MID1: variants seen among roughly 807,000 people sequenced by gnomAD.
The protein encoded by MID1 is E3 ubiquitin-protein ligase Midline-1.
A neutral mutation model predicts 40.4 loss-of-function variants in MID1; 7 were observed. That is an observed-to-expected ratio of 0.17 (90% CI 0.10 to 0.33). The LOEUF (loss-of-function observed/expected upper bound fraction) is 0.33. Among genes scored for constraint, MID1 ranks in the 10% least tolerant of loss-of-function variants. MID1 has a pLI of 1.00. For synonymous variants in MID1, 229 were observed against 221.2 expected (o/e 1.04, Z -0.31); for missense variants, 367 against 558.5 (o/e 0.66, Z 3.46).
chrX:10,770,340 C>T (rs1374194986), intron 1 of MID1, among the ~76,000 whole-genome samples: 3 of 112,117 alleles, frequency 2.7e-5, no homozygotes, highest in Non-Finnish European at 5.6e-5. Context: ...CACACAATGG[C>T]TTCACTCACT....
At chrX:10,603,826 G>A (rs988146341) in intron 1 of MID1, among the ~76,000 whole-genome samples, 4 of 111,398 alleles carry the variant, frequency 3.6e-5, no homozygotes, top group Non-Finnish European at 7.5e-5. Flanking sequence ...CATTCCTGGG[G>A]GCCATTAGAA....
intron 1 of MID1, among the ~76,000 whole-genome samples, chrX:10,613,617 C>T (rs1241878475): frequency 1.0e-5 from 1 of 100,228 alleles, no homozygotes; most frequent in East Asian, 3.1e-4. Flanking sequence ...ATCATTTCTG[C>T]AGAACAATCA....
intron 2 of MID1, among the ~76,000 whole-genome samples, chrX:10,524,012 TGA>T (rs1932782239): frequency 8.9e-6 from 1 of 111,906 alleles, no homozygotes; most frequent in South Asian, 3.7e-4. Flanking sequence ...TTAGTATCTA[TGA>T]GAGACCCTGA....
chrX:10,776,834 G>A (rs2043805849), intron 1 of MID1, among the ~76,000 whole-genome samples: 1 of 112,200 alleles, frequency 8.9e-6, no homozygotes, highest in African/African-American at 3.2e-5. Flanking sequence ...ACAGTTAAAT[G>A]AGTTAAGTTT....
chrX:10,559,361 G>C (rs1287394496), intron 2 of MID1, among the ~76,000 whole-genome samples: 1 of 112,252 alleles, frequency 8.9e-6, no homozygotes, highest in African/African-American at 3.2e-5. Flanking sequence ...ATTGGAGTCA[G>C]TTGGAACTGG....
chrX:10,464,416 G>A (rs891538445), intron 7 of MID1, among the ~76,000 whole-genome samples: 1 of 112,114 alleles, frequency 8.9e-6, no homozygotes, highest in African/African-American at 3.2e-5. Context: ...TGGGGATGAG[G>A]TGAAGCTCTG....
At chrX:10,632,573 A>G (rs1936063935) in intron 1 of MID1, among the ~76,000 whole-genome samples, 5 of 110,908 alleles carry the variant, frequency 4.5e-5, no homozygotes, top group Admixed American at 2.9e-4. Context: ...AGAATCCCCT[A>G]GAGGGCTTGT....
At chrX:10,635,579 T>A (rs1040698065) in intron 1 of MID1, among the ~76,000 whole-genome samples, 1 of 111,860 alleles carries the variant, frequency 8.9e-6, no homozygotes, top group Non-Finnish European at 1.9e-5. Flanking sequence ...TGCATACATT[T>A]AAATTATACC....
chrX:10,773,399 C>T (rs866017482), intron 1 of MID1, among the ~76,000 whole-genome samples: 1 of 112,216 alleles, frequency 8.9e-6, no homozygotes, highest in Non-Finnish European at 1.9e-5. Context: ...TTAACCATTG[C>T]GTTCTGACCA....
Position 10,449,106 on chromosome X carries a change from T to C in MID1, c.*262A>G. The C allele has an allele frequency of 3.2e-6, 1 of 314,350 alleles. No individual in the cohort carries two copies. Among genetic ancestry groups the C allele is most frequent in the East Asian group, 4.7e-5 (1 of 21,273 alleles). The allele number at this position is 314,350 out of a possible 1,213,427, so 25.9% of individuals were successfully genotyped here. A position where few individuals can be genotyped will look rare whatever the true frequency, so the allele number is the denominator to read the frequency against. ...AAAACCAAGTAATTCCTAAAAGTTG[T>C]AATCCTGATTATGTTTCTCTTATAA... On this transcript the variant is annotated 3_prime_UTR_variant, in exon 10 of 10. Coordinates refer to ENST00000317552, the MANE Select transcript of MID1 (RefSeq NM_000381.4).
intron 3 of MID1, chrX:10,506,059 A>G (rs1931815150): frequency 1.3e-6 from 1 of 779,449 alleles, no homozygotes. Flanking sequence ...TTCTGCCTTC[A>G]TGACGCACCC....
At chrX:10,704,759 CACACACAG>C (rs2043217130) in intron 1 of MID1, among the ~76,000 whole-genome samples, 1 of 100,393 alleles carries the variant, frequency 1.0e-5, no homozygotes, top group Non-Finnish European at 2.0e-5. Context: ...CACACACACA[CACACACAG>C]AGAGAGAGAG....
chrX:10,705,692 C>T (rs2043226532), intron 1 of MID1, among the ~76,000 whole-genome samples: 2 of 111,778 alleles, frequency 1.8e-5, no homozygotes, highest in Admixed American at 1.9e-4. Context: ...CTATCCCCAA[C>T]TTACAAATGA....
At chrX:10,797,912 C>G (rs1473734742) in intron 1 of MID1, among the ~76,000 whole-genome samples, 3 of 111,889 alleles carry the variant, frequency 2.7e-5, no homozygotes, top group African/African-American at 6.5e-5. Context: ...ATCAGCTGTT[C>G]TTTATTATCT....
intron 1 of MID1, among the ~76,000 whole-genome samples, chrX:10,614,090 G>T (rs1476249177): frequency 9.0e-6 from 1 of 110,525 alleles, no homozygotes; most frequent in African/African-American, 3.3e-5. Context: ...TGTGACTCTT[G>T]CTCTGGAGTA....
chrX:10,764,409 T>C (rs991438091), intron 1 of MID1, among the ~76,000 whole-genome samples: 11 of 111,782 alleles, frequency 9.8e-5, no homozygotes, highest in Non-Finnish European at 1.7e-4. Flanking sequence ...CTGTTTTCTA[T>C]AATTCACCGA....
intron 1 of MID1, among the ~76,000 whole-genome samples, chrX:10,579,306 C>T (rs1412001614): frequency 1.8e-5 from 2 of 111,624 alleles, no homozygotes; most frequent in Non-Finnish European, 3.8e-5. Context: ...AAAAGCTTGC[C>T]GCTTGGGGAA....
chrX:10,799,695 G>C (rs149685462), intron 1 of MID1, among the ~76,000 whole-genome samples: 1,730 of 105,815 alleles, frequency 0.016, 42 homozygotes, highest in African/African-American at 0.065. Flanking sequence ...AGCCTTAAGG[G>C]AGGTGAAGGG....
chrX:10,536,274 T>G (rs1029917199), intron 2 of MID1, among the ~76,000 whole-genome samples: 1 of 111,864 alleles, frequency 8.9e-6, no homozygotes, highest in Non-Finnish European at 1.9e-5. Context: ...ATTCTGCTTC[T>G]TTGATTGATG....
Sources: allele counts gnomAD v4.1 joint callset (sites outside exome capture counted in the v4.1 genomes callset), GRCh38; gene constraint gnomAD v4.1.1; transcripts MANE v1.5; gene names NCBI Gene and HGNC (gene_info 2026-07-23, HGNC 2026-07-21).